KPNA5: variants seen among roughly 807,000 people sequenced by gnomAD.
KPNA5 encodes importin subunit alpha-6.
In KPNA5, 46 loss-of-function variants were observed where a neutral mutation model predicts 71.3. That is an observed-to-expected ratio of 0.65 (90% CI 0.51 to 0.83). KPNA5 has a LOEUF of 0.83. Among genes scored for constraint, KPNA5 ranks in the 40% least tolerant of loss-of-function variants. The pLI, the probability that KPNA5 is intolerant of heterozygous loss-of-function variation, is 0.00. For synonymous variants in KPNA5, 207 were observed against 201.4 expected (o/e 1.03, Z -0.24); for missense variants, 547 against 628.3 (o/e 0.87, Z 1.38).
chr6:116,709,226 T>C (rs1338118495), intron 7 of KPNA5, among the ~76,000 whole-genome samples: 1 of 152,238 alleles, frequency 6.6e-6, no homozygotes, highest in East Asian at 1.9e-4. Flanking sequence ...TAATGGCACA[T>C]GCCTGTAGTC....
At chr6:116,696,059 T>A (rs1450329328) in intron 4 of KPNA5, among the ~76,000 whole-genome samples, 1 of 152,222 alleles carries the variant, frequency 6.6e-6, no homozygotes, top group African/African-American at 2.4e-5. Flanking sequence ...ACTATATTTC[T>A]GATATCTTTG....
chr6:116,701,943 C>T, intron 5 of KPNA5, 76 bp from the exon 6 acceptor site: 1 of 1,358,242 alleles, frequency 7.4e-7, no homozygotes, highest in Non-Finnish European at 1.0e-6. Flanking sequence ...CAGGTCTTTA[C>T]TCCCTCTCTT....
rs994297067 is a variant in KPNA5 at position 116,724,305 on chromosome 6, A to G, written c.929A>G (p.Asp310Gly). The change falls in exon 10 of 14, where the codon GAT becomes GGT. Residue 310 changes from aspartate to glycine, a missense_variant. Asp to Gly is a moderately conservative substitution (Grantham distance 94, BLOSUM62 -1). Transcript: ENST00000368564. ...GTTTTTATTATTTTTAGGCACAATG[A>G]TTATAAAGTTGTATCACCTGCATTA... ...RRLVELLMHNDYKVVSPALRA... is the reference protein window; with the variant it reads ...RRLVELLMHNGYKVVSPALRA... 6.2e-7 allele frequency: 1 copy of G among 1,602,992 alleles called. No individual in the cohort carries two copies.
Position 116,681,211 on chromosome 6 carries a change from A to G in KPNA5, c.-124A>G. 1.5e-6 allele frequency: 2 copies of G among 1,361,756 alleles called. No homozygotes were observed. Among genetic ancestry groups the G allele is most frequent in the South Asian group, 2.4e-5 (2 of 83,572 alleles). 84.4% of individuals were successfully genotyped at this position (1,361,756 alleles called of 1,614,324 possible). A position where few individuals can be genotyped will look rare whatever the true frequency, so the allele number is the denominator to read the frequency against. ...CGGAGAAGGGGCGCAGGTGGCCGCC[A>G]TCTTGGATTGCGAACTGGGTCGCTA... On this transcript the variant is annotated 5_prime_UTR_variant, in exon 1 of 14. Coordinates refer to ENST00000368564, the MANE Select transcript of KPNA5 (RefSeq NM_001366306.2).
chr6:116,694,012 G>A (rs1777918551), intron 4 of KPNA5, among the ~76,000 whole-genome samples: 1 of 152,118 alleles, frequency 6.6e-6, no homozygotes, highest in African/African-American at 2.4e-5. Context: ...CCCATTTCTT[G>A]TTTTTGTCAG....
intron 7 of KPNA5, among the ~76,000 whole-genome samples, chr6:116,708,844 G>A (rs1244646772): frequency 6.6e-6 from 1 of 152,230 alleles, no homozygotes; most frequent in East Asian, 1.9e-4. Context: ...GGAGTGCAGT[G>A]GCATAATCTT....
At chr6:116,690,110 C>G (rs950937824) in intron 2 of KPNA5, among the ~76,000 whole-genome samples, 1 of 152,164 alleles carries the variant, frequency 6.6e-6, no homozygotes, top group African/African-American at 2.4e-5. Flanking sequence ...CTATTGTATT[C>G]TGTAAGTAGA....
chr6:116,681,527 C>A, intron 1 of KPNA5, 189 bp downstream of exon 1: 2 of 1,352,136 alleles, frequency 1.5e-6, no homozygotes, highest in Non-Finnish European at 9.5e-7. Context: ...GCAGCCGGAC[C>A]TTTCCCTTGC....
intron 7 of KPNA5, among the ~76,000 whole-genome samples, chr6:116,706,402 AT>A (rs1192540985): frequency 1.3e-5 from 2 of 152,234 alleles, no homozygotes; most frequent in African/African-American, 4.8e-5. Context: ...TATAAAAACA[AT>A]TTCAGGCTGG....
In KPNA5 at chr6:116,722,229, A is replaced by C. The variant is rs757374479; in HGVS notation, c.860A>C (p.Asn287Thr). The change falls in exon 9 of 14, where the codon AAT (asparagine) becomes ACT (threonine). Residue 287 changes from asparagine (N) to threonine (T), a missense_variant. Asn to Thr is a moderately conservative substitution (Grantham distance 65, BLOSUM62 0). Coordinates refer to ENST00000368564, the MANE Select transcript of KPNA5 (RefSeq NM_001366306.2). ...CTTTCTTATCTCTCCGATGGACCCA[A>C]TGATAAAATTCAAGCAGTCATTGAT... is the stretch of plus-strand genomic sequence containing the variant. Reference protein sequence around the residue: ...WALSYLSDGPNDKIQAVIDSG... With the variant: ...WALSYLSDGPTDKIQAVIDSG... The C allele has an allele frequency of 6.2e-7, 1 of 1,613,276 alleles. No individual in the cohort carries two copies. Among genetic ancestry groups the C allele is most frequent in the East Asian group, 2.2e-5 (1 of 44,834 alleles).
chr6:116,708,418 T>G (rs1778528722), intron 7 of KPNA5, among the ~76,000 whole-genome samples: 1 of 152,236 alleles, frequency 6.6e-6, no homozygotes, highest in African/African-American at 2.4e-5. Context: ...ATATTATCTG[T>G]TATTCTGATT....
intron 1 of KPNA5, among the ~76,000 whole-genome samples, chr6:116,681,995 G>A (rs978208379): frequency 5.9e-5 from 9 of 152,222 alleles, no homozygotes; most frequent in African/African-American, 2.2e-4. Flanking sequence ...CGGCGGGCGC[G>A]GTGGCTCACG....
At chr6:116,708,859 T>A (rs1037157200) in intron 7 of KPNA5, among the ~76,000 whole-genome samples, 1 of 152,136 alleles carries the variant, frequency 6.6e-6, no homozygotes, top group Non-Finnish European at 1.5e-5. Flanking sequence ...AATCTTGGCT[T>A]ACTGCAGTCT....
intron 13 of KPNA5, among the ~76,000 whole-genome samples, chr6:116,730,275 C>T (rs763748963): frequency 1.6e-4 from 25 of 151,516 alleles, no homozygotes; most frequent in African/African-American, 5.8e-4. Context: ...TTAGTAGAGA[C>T]GGGGTCTCTC....
In KPNA5 at chr6:116,737,253, T is replaced by C. The variant is rs1156663527; in HGVS notation, c.*4930T>C. ...CTATTACCCTATGAATTACAAGGGA[T>C]TTTCACTTTGGCTAGTGGAACTTAA... On this transcript the variant is annotated 3_prime_UTR_variant, in exon 14 of 14. Coordinates refer to ENST00000368564, the MANE Select transcript of KPNA5 (RefSeq NM_001366306.2). 1 of 151,938 alleles carries C rather than the reference T, an allele frequency of 6.6e-6. No homozygotes were observed. The highest frequency in any genetic ancestry group is 2.4e-5 in the African/African-American group (1 of 41,394). The allele number at this position is 151,938 out of a possible 1,614,324, so 9.4% of individuals were successfully genotyped here.
At chr6:116,684,546 T>TTTG (rs1353848928) in intron 1 of KPNA5, among the ~76,000 whole-genome samples, 1 of 152,228 alleles carries the variant, frequency 6.6e-6, no homozygotes, top group Non-Finnish European at 1.5e-5. Context: ...TCTTTTGAAC[T>TTTG]CCTTTCCTTT....
At chr6:116,723,221 C>G (rs1314954491) in intron 9 of KPNA5, among the ~76,000 whole-genome samples, 1 of 152,094 alleles carries the variant, frequency 6.6e-6, no homozygotes, top group East Asian at 1.9e-4. Context: ...AGGAGAAAGC[C>G]TGAATAATTT....
chr6:116,699,646 G>T (rs912947441), intron 5 of KPNA5, among the ~76,000 whole-genome samples: 5 of 152,100 alleles, frequency 3.3e-5, no homozygotes, highest in East Asian at 1.9e-4. Context: ...TACAATAAGG[G>T]TCTCTAAGAG....
At chr6:116,707,612 G>A (rs1445953975) in intron 7 of KPNA5, among the ~76,000 whole-genome samples, 2 of 152,066 alleles carry the variant, frequency 1.3e-5, no homozygotes, top group African/African-American at 2.4e-5. Context: ...CGAGAAGGAG[G>A]GCCTGCAAAC....
Sources: allele counts gnomAD v4.1 joint callset (sites outside exome capture counted in the v4.1 genomes callset), GRCh38; gene constraint gnomAD v4.1.1; transcripts MANE v1.5; gene names NCBI Gene and HGNC (gene_info 2026-07-23, HGNC 2026-07-21).